RBFOX1: variants seen among roughly 807,000 people sequenced by gnomAD.
RBFOX1 encodes RNA binding protein fox-1 homolog 1.
Under a neutral mutation model 57.7 loss-of-function variants are expected in RBFOX1, and 8 were observed. The observed-to-expected ratio is 0.14, with a 90% CI of 0.08 to 0.25. The LOEUF (loss-of-function observed/expected upper bound fraction) is 0.25, where lower values mean the gene tolerates loss of function less well. RBFOX1 is among the 10% of genes least tolerant of loss of function. The pLI is 1.00. For missense variants in RBFOX1, 611 were observed against 548.5 expected (o/e 1.11, Z -1.14); for synonymous variants, 326 against 222.4 (o/e 1.47, Z -4.15).
intron 3 of RBFOX1, among the ~76,000 whole-genome samples, chr16:6,846,647 C>T (rs916260707): frequency 5.3e-5 from 8 of 152,110 alleles, no homozygotes; most frequent in Non-Finnish European, 7.4e-5. Flanking sequence ...AACAGTTGAG[C>T]ATCTACAGAC....
chr16:7,637,489 A>G (rs1226223194), intron 11 of RBFOX1, among the ~76,000 whole-genome samples: 1 of 152,230 alleles, frequency 6.6e-6, no homozygotes, highest in Non-Finnish European at 1.5e-5. Context: ...AAACATACAT[A>G]AATCAGGCCT....
intron 1 of RBFOX1, among the ~76,000 whole-genome samples, chr16:6,259,905 G>A (rs545566627): frequency 6.6e-6 from 1 of 150,478 alleles, no homozygotes; most frequent in Admixed American, 6.6e-5. Context: ...AGGGTGCTGT[G>A]AGCTGAGATC....
intron 3 of RBFOX1, among the ~76,000 whole-genome samples, chr16:5,618,313 C>G (rs1265807072): frequency 6.8e-6 from 1 of 147,792 alleles, no homozygotes; most frequent in African/African-American, 2.5e-5. Context: ...CAATCATATA[C>G]AGGAGATGGC....
intron 3 of RBFOX1, among the ~76,000 whole-genome samples, chr16:5,779,109 T>C (rs917593930): frequency 1.3e-5 from 2 of 152,154 alleles, no homozygotes; most frequent in African/African-American, 4.8e-5. Flanking sequence ...GAACTCAAAA[T>C]ATTTTGATGA....
At chr16:5,830,389 T>C (rs2056222395) in intron 3 of RBFOX1, among the ~76,000 whole-genome samples, 2 of 152,128 alleles carry the variant, frequency 1.3e-5, no homozygotes, top group Admixed American at 1.3e-4. Flanking sequence ...GTTTTTTTTT[T>C]TTGTTCTTTC....
chr16:5,705,835 C>A (rs1237387879), intron 3 of RBFOX1, among the ~76,000 whole-genome samples: 2 of 152,222 alleles, frequency 1.3e-5, no homozygotes, highest in South Asian at 4.1e-4. Flanking sequence ...TCCGTAGTGG[C>A]TAGAACAGTT....
At chr16:5,666,949 A>T (rs1357993683) in intron 3 of RBFOX1, among the ~76,000 whole-genome samples, 2 of 152,166 alleles carry the variant, frequency 1.3e-5, no homozygotes. Flanking sequence ...CTGCTACCAG[A>T]CACATGAAGA....
chr16:6,979,278 C>T (rs59891677), intron 3 of RBFOX1, among the ~76,000 whole-genome samples: 8,176 of 152,162 alleles, frequency 0.054, 249 homozygotes, highest in African/African-American at 0.071. Context: ...TTAGAGGATT[C>T]TATGGGGTCC....
intron 2 of RBFOX1, among the ~76,000 whole-genome samples, chr16:5,535,339 T>C (rs1567203476): frequency 6.6e-6 from 1 of 152,144 alleles, no homozygotes; most frequent in Non-Finnish European, 1.5e-5. Context: ...TGGTCCATCC[T>C]GGGGCACAAT....
chr16:6,764,304 A>G (rs1208323252), intron 3 of RBFOX1, among the ~76,000 whole-genome samples: 1 of 152,196 alleles, frequency 6.6e-6, no homozygotes, highest in African/African-American at 2.4e-5. Flanking sequence ...CAAATGATCA[A>G]GCTCAGCAAT....
intron 4 of RBFOX1, among the ~76,000 whole-genome samples, chr16:7,210,576 G>T (rs370904396): frequency 6.6e-6 from 1 of 151,972 alleles, no homozygotes; most frequent in African/African-American, 2.4e-5. Flanking sequence ...TAACCAGGTT[G>T]ACACTTAAGA....
chr16:5,987,146 G>T (rs991658254), intron 4 of RBFOX1, among the ~76,000 whole-genome samples: 9 of 152,138 alleles, frequency 5.9e-5, no homozygotes, highest in African/African-American at 2.2e-4. Flanking sequence ...ACGTTCTTAT[G>T]TTCTCATTTA....
chr16:5,676,999 A>C (rs1278222812), intron 3 of RBFOX1, among the ~76,000 whole-genome samples: 3 of 152,230 alleles, frequency 2.0e-5, no homozygotes, highest in African/African-American at 7.2e-5. Flanking sequence ...ACAGGTGTGA[A>C]GTAAATATCT....
chr16:7,653,848 C>A lies in RBFOX1; in HGVS notation c.791C>A (p.Ala264Glu). 1 of 1,606,896 alleles carries A rather than the reference C, an allele frequency of 6.2e-7. No homozygotes were observed. The highest frequency in any genetic ancestry group is 1.1e-5 in the South Asian group (1 of 91,046). The stretch of plus-strand genomic sequence containing the variant: ...TTCCCGTATCCAGCAGCCACCGCCG[C>A]GGCCGCCTACCGAGGGGCGCACCTG... The part of the protein sequence containing the change: ...PGFPYPAATA[A>E]AAYRGAHLRG... The change falls in exon 12 of 16, where the codon GCG becomes GAG. Residue 264 changes from alanine (A) to glutamate (E), a missense_variant. Ala to Glu is a moderately radical substitution (Grantham distance 107). Transcript: ENST00000550418.
intron 4 of RBFOX1, among the ~76,000 whole-genome samples, chr16:7,099,927 G>T (rs1225391006): frequency 6.6e-6 from 1 of 152,086 alleles, no homozygotes; most frequent in African/African-American, 2.4e-5. Context: ...CTTAAAGTTT[G>T]TGTTGATGGT....
At chr16:6,542,126 A>G (rs1599332022) in intron 2 of RBFOX1, among the ~76,000 whole-genome samples, 6 of 152,072 alleles carry the variant, frequency 3.9e-5, no homozygotes, top group East Asian at 3.9e-4. Context: ...GGCTATTGCT[A>G]TGTTGCCCAG....
intron 2 of RBFOX1, among the ~76,000 whole-genome samples, chr16:6,432,517 C>CAA (rs71145230): frequency 6.9e-4 from 81 of 116,684 alleles, no homozygotes; most frequent in Admixed American, 2.7e-3. Context: ...ACTAAAAATA[C>CAA]AAAAAAAAAA....
At chr16:7,054,233 C>T (rs886107117) in intron 4 of RBFOX1, among the ~76,000 whole-genome samples, 148 of 5,086 alleles carry the variant, frequency 0.029, 4 homozygotes, top group African/African-American at 0.063. Flanking sequence ...GGGCGGGGAG[C>T]TTTTTTTTTT....
chr16:7,187,180 A>T (rs1034157270), intron 4 of RBFOX1, among the ~76,000 whole-genome samples: 6 of 151,886 alleles, frequency 4.0e-5, no homozygotes, highest in African/African-American at 1.5e-4. Flanking sequence ...AAAAATAAAT[A>T]AAAAAATAAA....
Sources: gnomAD v4.1 joint callset for allele counts (sites outside exome capture counted in the v4.1 genomes callset) on GRCh38, gnomAD v4.1.1 for gene constraint, MANE v1.5 for transcripts, NCBI Gene and HGNC (gene_info 2026-07-23, HGNC 2026-07-21) for gene names.